Variants in LSS observed in about 807,000 individuals in gnomAD.
The protein encoded by LSS is 2,3-epoxysqualene-lanosterol cyclase.
LSS carries 90 observed loss-of-function variants against 110.3 expected under a neutral mutation model. The observed-to-expected ratio is 0.82, with a 90% confidence interval of 0.69 to 0.97. The LOEUF (loss-of-function observed/expected upper bound fraction) is 0.97, where lower values mean the gene tolerates loss of function less well. Among genes scored for constraint, LSS ranks in the 50% least tolerant of loss-of-function variants. LSS has a pLI of 0.00. For missense variants in LSS, 927 were observed against 990.0 expected (o/e 0.94, Z 0.85); for synonymous variants, 433 against 400.0 (o/e 1.08, Z -0.98).
intron 19 of LSS, 33 bp from the exon 20 acceptor site, chr21:46,194,694 A>G: frequency 6.3e-7 from 1 of 1,596,280 alleles, no homozygotes; most frequent in Non-Finnish European, 8.5e-7. Context: ...ACACCATCAC[A>G]CCAAGGAAGG....
Position 46,213,024 on chromosome 21 carries a change from C to A in LSS, c.1137+1G>T. 6.2e-7 allele frequency: 1 copy of A among 1,614,018 alleles called. No individual in the cohort carries two copies. The highest frequency in any genetic ancestry group is 8.5e-7 in the Non-Finnish European group (1 of 1,180,016). On this transcript the variant is annotated splice_donor_variant, in intron 11 of 21. Transcript: ENST00000397728. LOFTEE classifies it high-confidence loss of function. ...TGCAGCCGCAGTCCCGCAGCCCTTA[C>A]CTGCATTTTCATGCCGTCAAGGCCC...
intron 19 of LSS, 132 bp downstream of exon 19, chr21:46,195,544 A>G (rs2079897726): frequency 1.2e-6 from 1 of 850,494 alleles, no homozygotes; most frequent in African/African-American, 1.7e-5. Context: ...CCCGGTTGAC[A>G]GAGCGAGACT....
Position 46,207,435 on chromosome 21 carries a change from A to T in LSS, c.1460T>A (p.Val487Glu), listed in dbSNP as rs2080066510. 6.2e-7 allele frequency: 1 copy of T among 1,612,334 alleles called. No homozygotes were observed. The highest frequency in any genetic ancestry group is 2.2e-5 in the East Asian group (1 of 44,846). Residue 487 changes from valine (V) to glutamate (E), a missense_variant, in exon 15 of 22, where the codon GTG becomes GAG. Physicochemically the swap from Val to Glu is moderately radical, Grantham distance 121 (BLOSUM62 -2). Coordinates refer to ENST00000397728, the MANE Select transcript of LSS (RefSeq NM_002340.6). ...HIPRERLCDA[V>E]AVLLNMRNPD... Reference sequence around the variant, plus strand: ...CTGGGACCACAGCCTTACCACAGCCACAGCATCGCAGAGCCGTTCTCTGGG... The same window carrying T: ...CTGGGACCACAGCCTTACCACAGCCTCAGCATCGCAGAGCCGTTCTCTGGG...
chr21:46,206,682 C>T lies in LSS; in HGVS notation c.1554G>A (p.Ser518=), dbSNP rs373024405. Residue 518 remains serine, a synonymous_variant, in exon 16 of 22, where the codon TCG becomes TCA. Transcript: ENST00000397728. ...GGHLLELLNP[S]EVFGDIMIDY... ...TGGCCGACCACTCACCGAAGACCTC[C>T]GAGGGGTTCAGCAGCTCCAGCAAGT... is the stretch of plus-strand genomic sequence containing the variant. 36 of 1,612,354 alleles carry T rather than the reference C, an allele frequency of 2.2e-5. No homozygotes were observed. The highest frequency in any genetic ancestry group is 3.3e-4 in the Middle Eastern group (2 of 6,082).
In LSS at chr21:46,204,473, T is replaced by A. The variant is rs1302579450; in HGVS notation, c.1670+1363A>T. The stretch of plus-strand genomic sequence containing the variant: ...GGCTCAGAGCCATCTAAGAGGACAC[T>A]GAACAACTTTGCATGAATCAGTGTA... On this transcript the variant is annotated intron_variant, in intron 17 of 21. Coordinates refer to ENST00000397728, the MANE Select transcript of LSS (RefSeq NM_002340.6). Among the ~76,000 whole-genome samples, 3 of 151,670 alleles carry A rather than the reference T, an allele frequency of 2.0e-5. No homozygotes were observed. In the East Asian group the frequency reaches 5.8e-4, roughly 29 times the overall value.
At chr21:46,211,661 G>T (rs1490576579) in intron 11 of LSS, among the ~76,000 whole-genome samples, 1 of 152,246 alleles carries the variant, frequency 6.6e-6, no homozygotes, top group East Asian at 1.9e-4. Flanking sequence ...TGCACTGGAG[G>T]GACAAGGCAG....
At chr21:46,222,491 A>C in intron 4 of LSS, 139 bp downstream of exon 4, 3 of 669,062 alleles carry the variant, frequency 4.5e-6, no homozygotes, top group Non-Finnish European at 7.6e-6. Context: ...CCCGCCTGCT[A>C]GTCTCTCCCT....
rs139003098 is a variant in LSS, at chr21:46,222,712, G to A, written c.346C>T (p.Arg116Cys). 2.1e-3 allele frequency: 3,417 copies of A among 1,613,810 alleles called. 5 individuals are homozygous for A. The highest frequency in any genetic ancestry group is 2.6e-3 in the Non-Finnish European group (3,090 of 1,179,976). ...PGLLITCHVA[R>C]IPLPAGYREE... ...CTGTATCCGGCTGGCAGAGGGATGCGTGCCACGTGGCAAGTGATCAGGAGG... is the reference window on the plus strand; with the variant it reads ...CTGTATCCGGCTGGCAGAGGGATGCATGCCACGTGGCAAGTGATCAGGAGG... The change falls in exon 4 of 22, where the codon CGC becomes TGC. Residue 116 changes from arginine (R) to cysteine (C), a missense_variant. Transcript: ENST00000397728.
intron 17 of LSS, among the ~76,000 whole-genome samples, chr21:46,200,033 G>A (rs764094849): frequency 8.5e-5 from 13 of 152,128 alleles, no homozygotes; most frequent in South Asian, 2.1e-4. Context: ...AGGAGTTAGC[G>A]GCTTTATGGG....
intron 3 of LSS, among the ~76,000 whole-genome samples, chr21:46,227,114 G>A (rs1019544222): frequency 2.7e-4 from 41 of 152,332 alleles, no homozygotes; most frequent in African/African-American, 9.6e-4. Context: ...CAACTGCTAT[G>A]CTCCTCCTAC....
intron 17 of LSS, among the ~76,000 whole-genome samples, chr21:46,205,115 C>G (rs1017491933): frequency 1.3e-5 from 2 of 152,138 alleles, no homozygotes; most frequent in Non-Finnish European, 2.9e-5. Flanking sequence ...AAATGGGTAC[C>G]CAGGTGCCCC....
chr21:46,200,354 AG>A (rs2079963561), intron 17 of LSS, among the ~76,000 whole-genome samples: 1 of 152,218 alleles, frequency 6.6e-6, no homozygotes, highest in Non-Finnish European at 1.5e-5. Flanking sequence ...GATGAGAAAT[AG>A]GACGTTTACA....
At chr21:46,227,828 G>C in intron 2 of LSS, 138 bp from the exon 3 acceptor site, 2 of 985,360 alleles carry the variant, frequency 2.0e-6, no homozygotes, top group Admixed American at 2.6e-5. Context: ...TCCATCAAAA[G>C]TCTGAAACTC....
intron 20 of LSS, chr21:46,192,507 G>A (rs2079831616): frequency 2.2e-6 from 1 of 455,646 alleles, no homozygotes; most frequent in Non-Finnish European, 4.4e-6. Flanking sequence ...GGATGTTGCG[G>A]GTGCATCTGT....
rs1376935174 is a variant in LSS, at chr21:46,215,701, C to A, written c.876G>T (p.Leu292=). 6 of 1,611,528 alleles carry A rather than the reference C, an allele frequency of 3.7e-6. No individual in the cohort carries two copies. The highest frequency in any genetic ancestry group is 5.1e-6 in the Non-Finnish European group (6 of 1,178,670). The change falls in exon 8 of 22, where the codon CTG becomes CTT. Residue 292 remains leucine, a synonymous_variant. Coordinates refer to ENST00000397728, the MANE Select transcript of LSS (RefSeq NM_002340.6). Reference sequence around the variant, plus strand: ...GGCGCTCACCATATACCACGCGGAGCAGCCAGCTGTGCGGCGTGTACAGCT... The same window carrying A: ...GGCGCTCACCATATACCACGCGGAGAAGCCAGCTGTGCGGCGTGTACAGCT... The part of the protein sequence containing the change: ...PDELYTPHSW[L]LRVVYALLNL...
Position 46,191,266 on chromosome 21 carries a change from G to C in LSS, c.2068-31C>G, listed in dbSNP as rs202222731. The C allele has an allele frequency of 5.1e-5, 82 of 1,613,250 alleles. No homozygotes were observed. In the African/African-American group the frequency reaches 8.4e-4, roughly 17 times the overall value. The stretch of plus-strand genomic sequence containing the variant: ...AGAACACAGAGAAATAAACACAAAG[G>C]CTTCACCAGTCAGCTGAGGGCTAGT... On this transcript the variant is annotated intron_variant, in intron 21 of 21. Transcript: ENST00000397728.
chr21:46,222,219 C>T, intron 4 of LSS: 1 of 563,300 alleles, frequency 1.8e-6, no homozygotes, highest in Non-Finnish European at 3.2e-6. Context: ...CTTCCCACGC[C>T]TGAGTCAACA....
rs1375749952 is a variant in LSS at position 46,191,004 on chromosome 21, T to A, written c.*100A>T. ...CATCTATGAGATAGAGGTTGAGGGG[T>A]TGGAGCCCAAGACAGGGTTATGGGA... is the stretch of plus-strand genomic sequence containing the variant. On this transcript the variant is annotated 3_prime_UTR_variant, in exon 22 of 22. Coordinates refer to ENST00000397728, the MANE Select transcript of LSS (RefSeq NM_002340.6). 3 of 1,415,344 alleles carry A rather than the reference T, an allele frequency of 2.1e-6. No homozygotes were observed. Among genetic ancestry groups the A allele is most frequent in the South Asian group, 1.3e-5 (1 of 78,688 alleles). The allele number at this position is 1,415,344 out of a possible 1,614,324, so 87.7% of individuals were successfully genotyped here. A position where few individuals can be genotyped will look rare whatever the true frequency, so the allele number is the denominator to read the frequency against.
chr21:46,194,649 T>C lies in LSS; in HGVS notation c.1830A>G (p.Ala610=). The change falls in exon 20 of 22, where the codon GCA becomes GCG. Residue 610 remains alanine (A), a synonymous_variant. Coordinates refer to ENST00000397728, the MANE Select transcript of LSS (RefSeq NM_002340.6). ...GQTYRDGTAC[A]EVSRACDFLL... ...GGAAGTCACAGGCCCGGGAGACCTCTGCACAGGCAGTCCTGCAAAGACCAG... is the reference window on the plus strand; with the variant it reads ...GGAAGTCACAGGCCCGGGAGACCTCCGCACAGGCAGTCCTGCAAAGACCAG... The C allele has an allele frequency of 6.2e-7, 1 of 1,612,768 alleles. No individual in the cohort carries two copies. Among genetic ancestry groups the C allele is most frequent in the Non-Finnish European group, 8.5e-7 (1 of 1,179,966 alleles).
Sources: allele counts gnomAD v4.1 joint callset (sites outside exome capture counted in the v4.1 genomes callset), GRCh38; gene constraint gnomAD v4.1.1; transcripts MANE v1.5; gene names NCBI Gene and HGNC (gene_info 2026-07-23, HGNC 2026-07-21).